The following PARD3 variants were observed in gnomAD, a reference collection of about 807,000 sequenced individuals.
PARD3 encodes the protein par-3 family cell polarity regulator.
Under a neutral mutation model 155.4 loss-of-function variants are expected in PARD3, and 75 were observed. The observed-to-expected ratio is 0.48, with a 90% confidence interval of 0.40 to 0.58. PARD3 has a LOEUF of 0.58. Ranked by LOEUF, PARD3 falls within the 20% of genes least tolerant of loss-of-function variation. The probability of loss-of-function intolerance (pLI) is 0.00; values close to 1 mark genes in which losing one functional copy is unlikely to be tolerated. For missense variants in PARD3, 1,642 were observed against 1,721.7 expected, an observed-to-expected ratio of 0.95 and a Z score of 0.82; for synonymous variants, 576 against 610.5, an observed-to-expected ratio of 0.94 and a Z score of 0.83.
chr10:34,111,596 T>G, intron 24 of PARD3, 34 bp from the exon 25 acceptor site: 1 of 1,546,112 alleles, frequency 6.5e-7, no homozygotes, highest in South Asian at 1.2e-5. Flanking sequence ...AGTGTGAGGG[T>G]AGGAAGAAGG....
chr10:34,142,218 G>T (rs1048665824), intron 22 of PARD3, among the ~76,000 whole-genome samples: 2 of 152,050 alleles, frequency 1.3e-5, no homozygotes, highest in Non-Finnish European at 2.9e-5. Flanking sequence ...ATGTTTTCGG[G>T]GTATACCTAT....
At chr10:34,149,797 A>G (rs962494855) in intron 22 of PARD3, among the ~76,000 whole-genome samples, 1 of 152,166 alleles carries the variant, frequency 6.6e-6, no homozygotes, top group African/African-American at 2.4e-5. Flanking sequence ...ATGAACTAAC[A>G]TATTTCCTCT....
At chr10:34,812,567 CAGA>C (rs1162396855) in intron 1 of PARD3, among the ~76,000 whole-genome samples, 2 of 152,152 alleles carry the variant, frequency 1.3e-5, no homozygotes, top group African/African-American at 4.8e-5. Flanking sequence ...CTAGCAATTT[CAGA>C]AGAAAAACGA....
chr10:34,383,726 A>G (rs1842080119), intron 8 of PARD3, among the ~76,000 whole-genome samples: 1 of 151,838 alleles, frequency 6.6e-6, no homozygotes, highest in African/African-American at 2.4e-5. Context: ...AATACAACCC[A>G]AGATAAAGTG....
At chr10:34,166,837 GTGTGTT>G (rs1949552101) in intron 22 of PARD3, among the ~76,000 whole-genome samples, 1 of 152,076 alleles carries the variant, frequency 6.6e-6, no homozygotes, top group South Asian at 2.1e-4. Flanking sequence ...TTGTTGTAAG[GTGTGTT>G]TTTTCCTCCA....
intron 22 of PARD3, among the ~76,000 whole-genome samples, chr10:34,168,562 G>A (rs921781016): frequency 2.0e-5 from 3 of 152,098 alleles, no homozygotes. Context: ...TAGGGCAGGC[G>A]TGTGATTTGG....
intron 2 of PARD3, among the ~76,000 whole-genome samples, chr10:34,677,061 A>G (rs1026485675): frequency 6.6e-6 from 1 of 152,348 alleles, no homozygotes; most frequent in South Asian, 2.1e-4. Context: ...TTTACCAACA[A>G]ACATCCAATA....
chr10:34,422,654 ATAC>A (rs2075378376), intron 5 of PARD3, among the ~76,000 whole-genome samples: 1 of 152,222 alleles, frequency 6.6e-6, no homozygotes, highest in Non-Finnish European at 1.5e-5. Flanking sequence ...AAAAGAAGAC[ATAC>A]AAGTAGCCAA....
intron 23 of PARD3, among the ~76,000 whole-genome samples, chr10:34,123,992 G>A (rs1269923160): frequency 6.6e-6 from 1 of 152,062 alleles, no homozygotes; most frequent in Non-Finnish European, 1.5e-5. Flanking sequence ...CATATACATA[G>A]AATATTCAAT....
intron 24 of PARD3, among the ~76,000 whole-genome samples, chr10:34,112,176 G>A (rs753937385): frequency 2.6e-5 from 4 of 152,168 alleles, no homozygotes; most frequent in Non-Finnish European, 4.4e-5. Flanking sequence ...TACACTCTCC[G>A]GGATACCTGC....
intron 19 of PARD3, among the ~76,000 whole-genome samples, chr10:34,324,989 T>G (rs887906063): frequency 1.3e-5 from 2 of 152,140 alleles, no homozygotes; most frequent in African/African-American, 4.8e-5. Flanking sequence ...GCAAGTAATT[T>G]AAAATAGTCT....
At chr10:34,145,245 G>T (rs1273403882) in intron 22 of PARD3, among the ~76,000 whole-genome samples, 7 of 52,696 alleles carry the variant, frequency 1.3e-4, no homozygotes, top group Non-Finnish European at 2.4e-4. Context: ...TTTTTTTACA[G>T]GATCTTCTCT....
At chr10:34,442,241 C>G (rs2076501964) in intron 5 of PARD3, among the ~76,000 whole-genome samples, 1 of 152,166 alleles carries the variant, frequency 6.6e-6, no homozygotes. Flanking sequence ...CCAAAAAACC[C>G]ACATCTTAAC....
At chr10:34,133,283 C>T (rs1323669042) in intron 22 of PARD3, among the ~76,000 whole-genome samples, 1 of 152,142 alleles carries the variant, frequency 6.6e-6, no homozygotes, top group East Asian at 1.9e-4. Context: ...GCTGGAACCC[C>T]GGCTCCCGTA....
At chr10:34,622,686 G>A (rs2091749648) in intron 2 of PARD3, among the ~76,000 whole-genome samples, 1 of 152,150 alleles carries the variant, frequency 6.6e-6, no homozygotes, top group Non-Finnish European at 1.5e-5. Context: ...GTCATTTTCA[G>A]TTTCTTCACA....
intron 19 of PARD3, 105 bp from the exon 20 acceptor site, chr10:34,317,443 G>A: frequency 8.5e-7 from 1 of 1,179,444 alleles, no homozygotes; most frequent in Non-Finnish European, 1.2e-6. Flanking sequence ...TTTTACTGCA[G>A]TATGGCCCTG....
At chr10:34,485,824 A>G (rs1302374012) in intron 3 of PARD3, among the ~76,000 whole-genome samples, 2 of 151,916 alleles carry the variant, frequency 1.3e-5, no homozygotes, top group African/African-American at 4.8e-5. Flanking sequence ...TTGGGGTAAA[A>G]TACTTTGATT....
chr10:34,479,607 C>A lies in PARD3; in HGVS notation c.404-9344G>T, dbSNP rs1209339346. 5.3e-5 allele frequency among the ~76,000 whole-genome samples: 8 copies of A among 152,296 alleles called. No individual in the cohort carries two copies. The East Asian group carries it at 1.3e-3, about 26-fold the overall frequency. On this transcript the variant is annotated intron_variant, in intron 3 of 24. Coordinates refer to ENST00000374788, the MANE Select transcript of PARD3 (RefSeq NM_001184785.2). ...ATTCTTCTTATCACCCAATGTTTAG[C>A]CCCTACAGCCACTGCCGGTGCCCTG...
At chr10:34,146,825 C>T (rs190660887) in intron 22 of PARD3, among the ~76,000 whole-genome samples, 9 of 152,244 alleles carry the variant, frequency 5.9e-5, no homozygotes, top group South Asian at 2.1e-4. Context: ...ACTATGGAAG[C>T]GCATGCCTCA....
Sources: gnomAD v4.1 joint callset for allele counts (sites outside exome capture counted in the v4.1 genomes callset) on GRCh38, gnomAD v4.1.1 for gene constraint, MANE v1.5 for transcripts, NCBI Gene and HGNC (gene_info 2026-07-23, HGNC 2026-07-21) for gene names.